Variants in RPS6KC1 observed in about 807,000 individuals in gnomAD.
The protein encoded by RPS6KC1 is inactive ribosomal protein S6 kinase delta-1.
RPS6KC1 carries 54 observed loss-of-function variants against 103.8 expected under a neutral mutation model. The observed-to-expected ratio is 0.52, with a 90% CI of 0.42 to 0.65. The LOEUF is 0.65. Among genes scored for constraint, RPS6KC1 ranks in the 30% least tolerant of loss-of-function variants. The pLI is 0.00. For missense variants in RPS6KC1, 1,151 were observed against 1,253.8 expected (o/e 0.92, Z 1.24); for synonymous variants, 439 against 438.7 (o/e 1.00, Z -0.01).
intron 14 of RPS6KC1, among the ~76,000 whole-genome samples, chr1:213,263,467 G>C (rs1298751456): frequency 6.6e-6 from 1 of 152,196 alleles, no homozygotes; most frequent in Non-Finnish European, 1.5e-5. Flanking sequence ...AGGGTTGTTA[G>C]TACTCTGGTG....
chr1:213,258,264 C>T (rs1281818522), intron 12 of RPS6KC1, among the ~76,000 whole-genome samples: 1 of 152,152 alleles, frequency 6.6e-6, no homozygotes, highest in Non-Finnish European at 1.5e-5. Flanking sequence ...AGCCACCGCA[C>T]TGGCCCATTT....
At chr1:213,289,367 T>A in the RPS6KC1 span, among the ~76,000 whole-genome samples, 1 of 151,326 alleles carries the variant, frequency 6.6e-6, no homozygotes, top group African/African-American at 2.4e-5. Context: ...TGTAAAGAAA[T>A]TTTTTTTCCA....
chr1:213,538,941 A>G, the RPS6KC1 span, among the ~76,000 whole-genome samples: 10 of 152,334 alleles, frequency 6.6e-5, no homozygotes, highest in Admixed American at 2.6e-4. Context: ...CAAGTCTTTG[A>G]TGGAGCCAGG....
At chr1:213,646,877 G>A in the RPS6KC1 span, among the ~76,000 whole-genome samples, 15 of 97,400 alleles carry the variant, frequency 1.5e-4, no homozygotes, top group Non-Finnish European at 2.9e-4. Flanking sequence ...ATATATGTGT[G>A]TATGCATATA....
chr1:213,170,711 T>C (rs1419027764), intron 7 of RPS6KC1, among the ~76,000 whole-genome samples: 1 of 152,242 alleles, frequency 6.6e-6, no homozygotes, highest in African/African-American at 2.4e-5. Context: ...TAAATTTTCC[T>C]TTTGTATGTT....
the RPS6KC1 span, among the ~76,000 whole-genome samples, chr1:213,701,428 T>C: frequency 6.6e-6 from 1 of 152,096 alleles, no homozygotes. Flanking sequence ...GAAGGATCTT[T>C]CTAATGTATT....
chr1:213,372,858 G>C, the RPS6KC1 span, among the ~76,000 whole-genome samples: 1 of 151,898 alleles, frequency 6.6e-6, no homozygotes, highest in Non-Finnish European at 1.5e-5. Context: ...TAGAAGGATA[G>C]ATATACAAAT....
intron 6 of RPS6KC1, among the ~76,000 whole-genome samples, chr1:213,145,488 A>G (rs2087641933): frequency 6.6e-6 from 1 of 152,124 alleles, no homozygotes; most frequent in African/African-American, 2.4e-5. Flanking sequence ...CAGAGTACTC[A>G]TTAGTGTATG....
At chr1:213,073,504 C>T (rs1228258732) in intron 2 of RPS6KC1, among the ~76,000 whole-genome samples, 1 of 152,114 alleles carries the variant, frequency 6.6e-6, no homozygotes, top group East Asian at 1.9e-4. Context: ...CCCCCTCACC[C>T]TTTTTTAAAC....
the RPS6KC1 span, among the ~76,000 whole-genome samples, chr1:213,469,387 T>C: frequency 1.1e-3 from 161 of 152,376 alleles, no homozygotes; most frequent in Non-Finnish European, 1.9e-3. Flanking sequence ...TAGAAAGTTT[T>C]AATTTTTGTC....
the RPS6KC1 span, among the ~76,000 whole-genome samples, chr1:213,618,602 C>T: frequency 6.6e-6 from 1 of 152,152 alleles, no homozygotes; most frequent in Admixed American, 6.5e-5. Flanking sequence ...TTTTATTCAG[C>T]CTTGGAATGA....
chr1:213,331,650 C>A, the RPS6KC1 span, among the ~76,000 whole-genome samples: 1 of 152,174 alleles, frequency 6.6e-6, no homozygotes. Context: ...CTGGTAGGCC[C>A]AGACAGGCAG....
the RPS6KC1 span, among the ~76,000 whole-genome samples, chr1:213,397,658 G>A: frequency 1.6e-4 from 24 of 151,294 alleles, no homozygotes; most frequent in Non-Finnish European, 3.1e-4. Flanking sequence ...TCAGAATCCC[G>A]GAAGGCTAGC....
At chr1:213,117,828 G>C (rs2083843777) in intron 5 of RPS6KC1, among the ~76,000 whole-genome samples, 2 of 151,424 alleles carry the variant, frequency 1.3e-5, no homozygotes, top group Non-Finnish European at 2.9e-5. Flanking sequence ...TTTGAGACCA[G>C]CCGAGCCAAC....
At chr1:213,496,758 G>A in the RPS6KC1 span, among the ~76,000 whole-genome samples, 4 of 151,834 alleles carry the variant, frequency 2.6e-5, no homozygotes, top group African/African-American at 9.7e-5. Flanking sequence ...ACTCAGTCTC[G>A]GGGGAAAAAA....
At chr1:213,818,394 T>C in the RPS6KC1 span, 2 of 152,556 alleles carry the variant, frequency 1.3e-5, 1 homozygote, top group Admixed American at 1.3e-4. Context: ...ACAGGAATGA[T>C]AAGAAAGCAA....
chr1:213,549,424 A>G, the RPS6KC1 span, among the ~76,000 whole-genome samples: 1 of 152,052 alleles, frequency 6.6e-6, no homozygotes, highest in Non-Finnish European at 1.5e-5. Context: ...GATATTGTTT[A>G]CTTCTTTGTT....
the RPS6KC1 span, among the ~76,000 whole-genome samples, chr1:213,363,663 T>G: frequency 6.1e-5 from 6 of 98,796 alleles, 1 homozygote; most frequent in African/African-American, 1.8e-4. Context: ...TCTTTCTTTC[T>G]TTCTTTCTTT....
At chr1:213,128,001 A>G (rs2085177831) in intron 5 of RPS6KC1, among the ~76,000 whole-genome samples, 1 of 152,238 alleles carries the variant, frequency 6.6e-6, no homozygotes, top group South Asian at 2.1e-4. Context: ...TTTATATTCC[A>G]CATTACAACT....
Sources: gnomAD v4.1 joint callset for allele counts (sites outside exome capture counted in the v4.1 genomes callset) on GRCh38, gnomAD v4.1.1 for gene constraint, MANE v1.5 for transcripts, NCBI Gene and HGNC (gene_info 2026-07-23, HGNC 2026-07-21) for gene names.